PDE10A: variants seen among roughly 807,000 people sequenced by gnomAD.
PDE10A encodes cAMP and cAMP-inhibited cGMP 3',5'-cyclic phosphodiesterase 10A.
PDE10A carries 39 observed loss-of-function variants against 97.7 expected under a neutral mutation model. The observed-to-expected ratio is 0.40, with a 90% CI of 0.31 to 0.52. PDE10A has a LOEUF of 0.52. Ranked by LOEUF, PDE10A falls within the 20% of genes least tolerant of loss-of-function variation. PDE10A has a pLI of 0.56. For synonymous variants in PDE10A, 371 were observed against 376.8 expected, an observed-to-expected ratio of 0.98 and a Z score of 0.18; for missense variants, 731 against 1,047.8, an observed-to-expected ratio of 0.70 and a Z score of 4.17.
intron 2 of PDE10A, among the ~76,000 whole-genome samples, chr6:165,494,230 C>T (rs1028955483): frequency 1.3e-5 from 2 of 152,004 alleles, no homozygotes; most frequent in Non-Finnish European, 2.9e-5. Context: ...GCAATTTAAA[C>T]TAGTATGACC....
chr6:165,888,988 T>A (rs1781705519), intron 1 of PDE10A, among the ~76,000 whole-genome samples: 2 of 149,734 alleles, frequency 1.3e-5, no homozygotes, highest in Admixed American at 1.3e-4. Flanking sequence ...CCTTAGTTTT[T>A]AAAATTCCTG....
At chr6:165,435,523 A>C (rs965370833) in intron 5 of PDE10A, 146 bp from the exon 6 acceptor site, 1 of 577,868 alleles carries the variant, frequency 1.7e-6, no homozygotes, top group Non-Finnish European at 2.8e-6. Flanking sequence ...TGCCATGATC[A>C]AACCAGATTA....
chr6:165,752,653 G>A (rs961599471), intron 1 of PDE10A, among the ~76,000 whole-genome samples: 2 of 152,134 alleles, frequency 1.3e-5, no homozygotes, highest in African/African-American at 2.4e-5. Context: ...CAGTCCCTTT[G>A]CCAAACATTC....
chr6:165,470,794 TC>T (rs34302335), intron 3 of PDE10A, among the ~76,000 whole-genome samples: 14,353 of 151,180 alleles, frequency 0.095, 863 homozygotes, highest in South Asian at 0.17. Context: ...CCTTAAAGAC[TC>T]TGTTTAGACC....
chr6:165,523,193 C>A (rs531237315), intron 2 of PDE10A, among the ~76,000 whole-genome samples: 1 of 152,230 alleles, frequency 6.6e-6, no homozygotes, highest in Admixed American at 6.5e-5. Flanking sequence ...GGCCTTATCA[C>A]CCAAAGTAAT....
At chr6:165,552,845 G>C (rs933298005) in intron 1 of PDE10A, among the ~76,000 whole-genome samples, 3 of 152,094 alleles carry the variant, frequency 2.0e-5, no homozygotes, top group Admixed American at 2.0e-4. Context: ...TGAATTAATT[G>C]CTTAGTAATC....
intron 1 of PDE10A, among the ~76,000 whole-genome samples, chr6:165,836,056 A>G (rs1483023274): frequency 6.6e-6 from 1 of 152,162 alleles, no homozygotes; most frequent in African/African-American, 2.4e-5. Flanking sequence ...TGCCCAATCT[A>G]AAACGCTTTC....
rs1176289154 is a variant in PDE10A, at chr6:165,819,595, T to G, written c.-615+167934A>C. On this transcript the variant is annotated intron_variant, in intron 1 of 19. Transcript: ENST00000366882. The surrounding 1 kb of genome is among the most constrained non-coding windows in gnomAD (Gnocchi z 4.2). ...CACTGCCGCGACCCCCACCCCGAGTTGCCGGACACAGTCAGGCAGAGCCGG... is the reference window on the plus strand; with the variant it reads ...CACTGCCGCGACCCCCACCCCGAGTGGCCGGACACAGTCAGGCAGAGCCGG... Among the ~76,000 whole-genome samples the G allele has an allele frequency of 6.6e-6, 1 of 152,150 alleles. No individual in the cohort carries two copies. The highest frequency in any genetic ancestry group is 1.5e-5 in the Non-Finnish European group (1 of 68,028).
chr6:165,837,158 C>A (rs1320007937), intron 1 of PDE10A, among the ~76,000 whole-genome samples: 1 of 151,402 alleles, frequency 6.6e-6, no homozygotes, highest in Non-Finnish European at 1.5e-5. Flanking sequence ...ATGTAACTAA[C>A]CTGCACATTG....
intron 5 of PDE10A, among the ~76,000 whole-genome samples, chr6:165,448,709 A>AACAC (rs10645551): frequency 0.15 from 22,272 of 147,398 alleles, 1,899 homozygotes; most frequent in Admixed American, 0.23. Context: ...AGCCAAAGGA[A>AACAC]ACACACACAC....
chr6:165,820,641 A>G (rs1779543538), intron 1 of PDE10A, among the ~76,000 whole-genome samples: 1 of 152,220 alleles, frequency 6.6e-6, no homozygotes, highest in Non-Finnish European at 1.5e-5. Flanking sequence ...GCTTCCCAAA[A>G]TGCTTCATAT....
At position 165,689,690 on chromosome 6, in the gene PDE10A, C is replaced by G. The variant is rs1273219248; in HGVS notation, c.-614-146122G>C. 5.9e-5 allele frequency among the ~76,000 whole-genome samples: 9 copies of G among 152,324 alleles called. No homozygotes were observed. The East Asian group carries it at 1.7e-3, about 29-fold the overall frequency. On this transcript the variant is annotated intron_variant, in intron 1 of 19. Coordinates refer to the PDE10A transcript ENST00000366882. The stretch of plus-strand genomic sequence containing the variant: ...TGAGCGGAAGCTTCCTGAGGTCTCA[C>G]CAGAAGCGGATGCTGGTGCCAGGCT...
intron 2 of PDE10A, 89 bp from the exon 3 acceptor site, chr6:165,482,432 T>C (rs1779659217): frequency 9.8e-7 from 1 of 1,017,786 alleles, no homozygotes; most frequent in Non-Finnish European, 1.6e-6. Flanking sequence ...TCAATAAACT[T>C]GAAGGGTTTT....
chr6:165,959,610 A>G (rs1338554120), intron 1 of PDE10A, among the ~76,000 whole-genome samples: 1 of 152,204 alleles, frequency 6.6e-6, no homozygotes. Context: ...ATAATGTTCC[A>G]TCCACACCCT....
At chr6:165,381,631 A>ATTTTTTTTTTTTTTTTTT (rs547827126) in intron 17 of PDE10A, among the ~76,000 whole-genome samples, 7 of 118,686 alleles carry the variant, frequency 5.9e-5, no homozygotes, top group Non-Finnish European at 1.0e-4. Flanking sequence ...CACCTGGCTA[A>ATTTTTTTTTTTTTTTTTT]TTTTTTTTTT....
intron 13 of PDE10A, among the ~76,000 whole-genome samples, chr6:165,401,772 A>G (rs963519661): frequency 6.6e-6 from 1 of 152,212 alleles, no homozygotes; most frequent in African/African-American, 2.4e-5. Context: ...CTTCTAGTGC[A>G]TGAACTTTCT....
chr6:165,347,336 A>G (rs1457144902), intron 18 of PDE10A, among the ~76,000 whole-genome samples: 1 of 152,168 alleles, frequency 6.6e-6, no homozygotes, highest in Non-Finnish European at 1.5e-5. Context: ...CAATAACATA[A>G]ATAACTTTCA....
intron 18 of PDE10A, among the ~76,000 whole-genome samples, chr6:165,367,216 CAT>C (rs760702406): frequency 1.1e-4 from 15 of 139,006 alleles, no homozygotes; most frequent in East Asian, 2.1e-4. Flanking sequence ...GAAAATATTA[CAT>C]ATATATATAT....
At chr6:165,683,652 G>A (rs4235952) in intron 1 of PDE10A, among the ~76,000 whole-genome samples, 131,070 of 152,108 alleles carry the variant, frequency 0.86, 56,722 homozygotes, top group South Asian at 0.92. Flanking sequence ...CTCCCTGACC[G>A]TGTGAGGTAG....
Sources: allele counts gnomAD v4.1 joint callset (sites outside exome capture counted in the v4.1 genomes callset), GRCh38; gene constraint gnomAD v4.1.1; non-coding constraint Gnocchi (gnomAD v3.1); transcripts MANE v1.5; gene names NCBI Gene and HGNC (gene_info 2026-07-23, HGNC 2026-07-21).